Variants in ABCG5 observed in about 807,000 individuals in gnomAD.
The protein encoded by ABCG5 is ATP binding cassette subfamily G member 5.
A neutral mutation model predicts 64.5 loss-of-function variants in ABCG5; 64 were observed. The observed-to-expected ratio is 0.99, with a 90% confidence interval of 0.81 to 1.22. The LOEUF (loss-of-function observed/expected upper bound fraction) is 1.22. Among genes scored for constraint, ABCG5 ranks in the 50% most tolerant of loss-of-function variants. The pLI is 0.00. For synonymous variants in ABCG5, 385 were observed against 326.3 expected, an observed-to-expected ratio of 1.18 and a Z score of -1.94; for missense variants, 908 against 829.5, an observed-to-expected ratio of 1.09 and a Z score of -1.16.
At position 43,837,946 on chromosome 2, in the gene ABCG5, CA is replaced by C; in HGVS notation, c.152del (p.Val51GlyfsTer35). The C allele has an allele frequency of 6.2e-7, 1 of 1,614,040 alleles. No individual in the cohort carries two copies. Among genetic ancestry groups the C allele is most frequent in the South Asian group, 1.1e-5 (1 of 91,076 alleles). ...LHASYSVSHR[V>X]RPWWDITSCR... The stretch of plus-strand genomic sequence containing the variant: ...AAGATGTGATGTCCCACCAGGGCCT[CA>C]CGCGGTGGCTTTAAAGGAAACCCCA... On this transcript the variant is annotated frameshift_variant, in exon 2 of 13. Transcript: ENST00000405322. LOFTEE classifies it high-confidence loss of function.
At chr2:43,817,939 G>A (rs992464160) in intron 11 of ABCG5, among the ~76,000 whole-genome samples, 1 of 151,856 alleles carries the variant, frequency 6.6e-6, no homozygotes, top group Non-Finnish European at 1.5e-5. Flanking sequence ...AAAAACACAT[G>A]TAAGACACCT....
downstream of ABCG5, chr2:43,809,814 A>C: frequency 6.4e-7 from 1 of 1,563,990 alleles, no homozygotes. Context: ...CCAAATACAA[A>C]TAAGATTATA....
chr2:43,818,975 G>A (rs929609205), intron 11 of ABCG5, among the ~76,000 whole-genome samples: 7 of 152,256 alleles, frequency 4.6e-5, no homozygotes, highest in Non-Finnish European at 7.4e-5. Context: ...ACGAAGTCAC[G>A]TGCGTCACAG....
At chr2:43,811,876 G>A (rs947166118), downstream of ABCG5, among the ~76,000 whole-genome samples, 1 of 152,176 alleles carries the variant, frequency 6.6e-6, no homozygotes, top group Non-Finnish European at 1.5e-5. Context: ...TTACAGGCAT[G>A]AGCCACCGCG....
chr2:43,824,866 G>A (rs766905376), intron 7 of ABCG5, 23 bp downstream of exon 7: 1 of 1,612,938 alleles, frequency 6.2e-7, no homozygotes, highest in Non-Finnish European at 8.5e-7. Flanking sequence ...ATTCATGATG[G>A]GGAATGTGAA....
intron 12 of ABCG5, among the ~76,000 whole-genome samples, 186 bp from the exon 13 acceptor site, chr2:43,813,495 C>T (rs1297414078): frequency 1.3e-5 from 2 of 152,094 alleles, no homozygotes; most frequent in Admixed American, 6.6e-5. Context: ...TGAAGATGGA[C>T]ATGCTTTTGT....
At position 43,838,443 on chromosome 2, in the gene ABCG5, G is replaced by C. The variant is rs1289740032; in HGVS notation, c.143+94C>G. Reference sequence around the variant, plus strand: ...CTAAAGAGGGAGCCCGAAGTGCCCAGACTGGCACTTAAAGAGTGAAGAAAG... The same window carrying C: ...CTAAAGAGGGAGCCCGAAGTGCCCACACTGGCACTTAAAGAGTGAAGAAAG... On this transcript the variant is annotated intron_variant, in intron 1 of 12. Coordinates refer to ENST00000405322, the MANE Select transcript of ABCG5 (RefSeq NM_022436.3). The surrounding 1 kb of genome is among the most constrained non-coding windows in gnomAD (Gnocchi z 4.2). 41 of 1,275,090 alleles carry C rather than the reference G, an allele frequency of 3.2e-5. No individual in the cohort carries two copies. The highest frequency in any genetic ancestry group is 4.4e-5 in the Non-Finnish European group (40 of 906,026). The allele number at this position is 1,275,090 out of a possible 1,614,324, so 79.0% of individuals were successfully genotyped here. A position where few individuals can be genotyped will look rare whatever the true frequency, so the allele number is the denominator to read the frequency against.
At chr2:43,834,796 A>G (rs1469633078) in intron 2 of ABCG5, among the ~76,000 whole-genome samples, 2 of 152,232 alleles carry the variant, frequency 1.3e-5, no homozygotes, top group Non-Finnish European at 2.9e-5. Flanking sequence ...AACAATTCAA[A>G]TAAGTTGGAG....
At chr2:43,821,177 A>C (rs1667173493) in intron 10 of ABCG5, among the ~76,000 whole-genome samples, 1 of 152,086 alleles carries the variant, frequency 6.6e-6, no homozygotes, top group South Asian at 2.1e-4. Context: ...CCTCTGTACA[A>C]ATCATGAAGT....
At chr2:43,823,302 G>A (rs919205323) in intron 9 of ABCG5, among the ~76,000 whole-genome samples, 1 of 66,424 alleles carries the variant, frequency 1.5e-5, no homozygotes, top group Non-Finnish European at 2.7e-5. Flanking sequence ...ACCACCAGCA[G>A]CCTGCATTTT....
the ABCG5 span, among the ~76,000 whole-genome samples, chr2:43,806,864 G>T: frequency 6.6e-6 from 1 of 152,012 alleles, no homozygotes; most frequent in Non-Finnish European, 1.5e-5. Context: ...ACTGCCAGCA[G>T]ATCACCAATT....
At chr2:43,815,271 A>G (rs996705970) in intron 11 of ABCG5, among the ~76,000 whole-genome samples, 1 of 152,244 alleles carries the variant, frequency 6.6e-6, no homozygotes, top group African/African-American at 2.4e-5. Flanking sequence ...AGTCCACTGT[A>G]TATTTTCTGT....
Position 43,838,479 on chromosome 2 carries a change from G to T in ABCG5, c.143+58C>A. Reference sequence around the variant, plus strand: ...AAAGAGTGAAGAAAGGCAGCAGAGGGGTGAGCGCCGGGCCCCGCACTCCTG... The same window carrying T: ...AAAGAGTGAAGAAAGGCAGCAGAGGTGTGAGCGCCGGGCCCCGCACTCCTG... On this transcript the variant is annotated intron_variant, in intron 1 of 12. Coordinates refer to ENST00000405322, the MANE Select transcript of ABCG5 (RefSeq NM_022436.3). This position sits in a 1 kb window ranked among gnomAD's most constrained non-coding sequence, Gnocchi z 4.2. 2 of 1,501,512 alleles carry T rather than the reference G, an allele frequency of 1.3e-6. No individual in the cohort carries two copies. Among genetic ancestry groups the T allele is most frequent in the East Asian group, 2.4e-5 (1 of 41,150 alleles). The allele number at this position is 1,501,512 out of a possible 1,614,324, so 93.0% of individuals were successfully genotyped here.
At chr2:43,832,514 G>C (rs1479579817) in intron 2 of ABCG5, 1 of 231,906 alleles carries the variant, frequency 4.3e-6, no homozygotes, top group East Asian at 1.0e-4. Flanking sequence ...GTTGTACCTG[G>C]ATGTAGGTGA....
intron 11 of ABCG5, among the ~76,000 whole-genome samples, chr2:43,816,018 G>T (rs1666799544): frequency 6.6e-6 from 1 of 152,114 alleles, no homozygotes; most frequent in Non-Finnish European, 1.5e-5. Context: ...AGTGGCTAGG[G>T]TGCTATCTTT....
chr2:43,824,653 T>C (rs987031067), intron 7 of ABCG5: 23 of 984,788 alleles, frequency 2.3e-5, no homozygotes, highest in African/African-American at 3.5e-5. Flanking sequence ...CTCAGCTAAT[T>C]ATGCTCTGAT....
chr2:43,817,518 C>G (rs1315381313), intron 11 of ABCG5, among the ~76,000 whole-genome samples: 1 of 151,576 alleles, frequency 6.6e-6, no homozygotes, highest in East Asian at 2.0e-4. Flanking sequence ...AAATAAAGAG[C>G]AACTAACCTC....
At chr2:43,835,736 A>G (rs1204563226) in intron 2 of ABCG5, among the ~76,000 whole-genome samples, 1 of 152,138 alleles carries the variant, frequency 6.6e-6, no homozygotes, top group African/African-American at 2.4e-5. Context: ...ACCCCTCCCC[A>G]CTTCTGCCAT....
At chr2:43,833,805 C>G (rs1303224397) in intron 2 of ABCG5, among the ~76,000 whole-genome samples, 1 of 152,208 alleles carries the variant, frequency 6.6e-6, no homozygotes, top group Non-Finnish European at 1.5e-5. Context: ...TTGCCTCAGT[C>G]TCCCGAATAG....
Sources: allele counts gnomAD v4.1 joint callset (sites outside exome capture counted in the v4.1 genomes callset), GRCh38; gene constraint gnomAD v4.1.1; non-coding constraint Gnocchi (gnomAD v3.1); transcripts MANE v1.5; gene names NCBI Gene and HGNC (gene_info 2026-07-23, HGNC 2026-07-21).